The following MTREX variants were observed in gnomAD, a reference collection of about 807,000 sequenced individuals.
The protein encoded by MTREX is Mtr4 exosome RNA helicase, also known as exosome RNA helicase MTR4.
MTREX carries 76 observed loss-of-function variants against 135.4 expected under a neutral mutation model. That is an observed-to-expected ratio of 0.56 (90% CI 0.47 to 0.68). The LOEUF (loss-of-function observed/expected upper bound fraction) is 0.68. MTREX is among the 30% of genes least tolerant of loss of function. The pLI is 0.00. For missense variants in MTREX, 920 were observed against 1,262.1 expected, an observed-to-expected ratio of 0.73 and a Z score of 4.11; for synonymous variants, 404 against 401.6, an observed-to-expected ratio of 1.01 and a Z score of -0.07.
At chr5:55,359,381 T>C (rs1297267509) in intron 15 of MTREX, among the ~76,000 whole-genome samples, 1 of 152,230 alleles carries the variant, frequency 6.6e-6, no homozygotes, top group Non-Finnish European at 1.5e-5. Context: ...TATTAGCTAC[T>C]TAAAAGTAGC....
At chr5:55,327,812 T>G (rs758633601) in intron 4 of MTREX, 34 bp downstream of exon 4, 1 of 1,422,494 alleles carries the variant, frequency 7.0e-7, no homozygotes, top group Non-Finnish European at 9.8e-7. Context: ...TTATATAGTT[T>G]CGTGAGACTC....
At chr5:55,404,949 A>T (rs2111601147) in intron 21 of MTREX, among the ~76,000 whole-genome samples, 1 of 151,876 alleles carries the variant, frequency 6.6e-6, no homozygotes, top group South Asian at 2.1e-4. Flanking sequence ...GACTACAGGC[A>T]TGCGCCCGCC....
rs757915218 is a variant in MTREX, at chr5:55,405,582, T to G, written c.2639T>G (p.Ile880Arg). ...IEMKGRVACEISSADELLLTE... is the reference protein window; with the variant it reads ...IEMKGRVACERSSADELLLTE... ...ATGAAAGGACGAGTGGCTTGTGAGATAAGCAGGTAAAATCTGGTTATTGTT... is the reference window on the plus strand; with the variant it reads ...ATGAAAGGACGAGTGGCTTGTGAGAGAAGCAGGTAAAATCTGGTTATTGTT... The change falls in exon 22 of 27, where the codon ATA becomes AGA. Residue 880 changes from isoleucine to arginine, a missense_variant. Physicochemically the swap from Ile to Arg is moderately conservative, Grantham distance 97. Coordinates refer to ENST00000230640, the MANE Select transcript of MTREX (RefSeq NM_015360.5). 4 of 1,610,576 alleles carry G rather than the reference T, an allele frequency of 2.5e-6. No individual in the cohort carries two copies. Among genetic ancestry groups the G allele is most frequent in the Non-Finnish European group, 3.4e-6 (4 of 1,178,020 alleles).
chr5:55,309,939 T>A (rs1749082882), intron 1 of MTREX, among the ~76,000 whole-genome samples: 1 of 152,188 alleles, frequency 6.6e-6, no homozygotes, highest in Non-Finnish European at 1.5e-5. Context: ...TGGGAGAGTT[T>A]GGGGAAGCTT....
intron 3 of MTREX, among the ~76,000 whole-genome samples, chr5:55,326,610 G>A (rs1049085147): frequency 4.6e-5 from 7 of 151,972 alleles, no homozygotes; most frequent in Admixed American, 1.3e-4. Context: ...CTATTTGTAC[G>A]TGTCACATTC....
At chr5:55,377,691 G>A (rs939119738) in intron 16 of MTREX, among the ~76,000 whole-genome samples, 1 of 152,116 alleles carries the variant, frequency 6.6e-6, no homozygotes, top group African/African-American at 2.4e-5. Context: ...TGTGGCCTGT[G>A]ATTTATTGGT....
At chr5:55,329,076 TTTTA>T (rs1313906210) in intron 5 of MTREX, among the ~76,000 whole-genome samples, 2 of 152,192 alleles carry the variant, frequency 1.3e-5, no homozygotes, top group African/African-American at 4.8e-5. Context: ...CACAGATGCT[TTTTA>T]TTTATCAGTT....
intron 19 of MTREX, among the ~76,000 whole-genome samples, chr5:55,393,084 T>C (rs926417926): frequency 1.3e-5 from 2 of 152,218 alleles, no homozygotes; most frequent in Non-Finnish European, 2.9e-5. Context: ...GTGGCTGCCA[T>C]ACTGGTTTTC....
Position 55,366,340 on chromosome 5 carries a change from A to G in MTREX, c.1660-385A>G, listed in dbSNP as rs370590005. Among the ~76,000 whole-genome samples the G allele has an allele frequency of 3.9e-5, 6 of 152,186 alleles. No homozygotes were observed. In the East Asian group the frequency reaches 7.7e-4, roughly 20 times the overall value. On this transcript the variant is annotated intron_variant, in intron 15 of 26. Transcript: ENST00000230640. ...CTCTATCTCTACAAAATAATAAAAAATTAGCCGGGGATGGTGGCACATGCT... is the reference window on the plus strand; with the variant it reads ...CTCTATCTCTACAAAATAATAAAAAGTTAGCCGGGGATGGTGGCACATGCT...
chr5:55,310,481 G>A (rs912996333), intron 1 of MTREX, among the ~76,000 whole-genome samples: 1 of 152,086 alleles, frequency 6.6e-6, no homozygotes, highest in Admixed American at 6.5e-5. Context: ...GGTGGCAGGC[G>A]CCTGTAATCC....
In MTREX at chr5:55,345,179, G is replaced by A. The variant is rs770390480; in HGVS notation, c.1091G>A (p.Arg364Gln). The change falls in exon 10 of 27, where the codon CGG (arginine) becomes CAG (glutamine). Residue 364 changes from arginine (R) to glutamine (Q), a missense_variant. Around this residue, in one of 6 missense-constraint regions of MTREX, gnomAD observed 101 missense variants for 119.1 expected, o/e 0.85. Coordinates refer to ENST00000230640, the MANE Select transcript of MTREX (RefSeq NM_015360.5). ...GDLAKGDQKG[R>Q]KGGTKGPSNV... ...TTGGCCAAAGGAGACCAGAAAGGGC[G>A]GAAAGGAGGAACAAAAGGTAATTTG... The A allele has an allele frequency of 1.9e-5, 30 of 1,608,986 alleles. No homozygotes were observed. Among genetic ancestry groups the A allele is most frequent in the Middle Eastern group, 1.7e-4 (1 of 6,044 alleles).
intron 15 of MTREX, among the ~76,000 whole-genome samples, chr5:55,363,615 T>G (rs1211719113): frequency 6.6e-6 from 1 of 152,214 alleles, no homozygotes; most frequent in Non-Finnish European, 1.5e-5. Context: ...AAAAGAGTAC[T>G]TGATCAACAC....
At chr5:55,322,567 TA>T (rs759524608) in intron 2 of MTREX, 103 bp downstream of exon 2, 1 of 763,240 alleles carries the variant, frequency 1.3e-6, no homozygotes. Context: ...ATGCCCGTAT[TA>T]GAGAAATGAA....
intron 22 of MTREX, among the ~76,000 whole-genome samples, chr5:55,408,710 A>G (rs985433492): frequency 6.6e-6 from 1 of 152,130 alleles, no homozygotes; most frequent in Non-Finnish European, 1.5e-5. Context: ...CTTGAATTGA[A>G]CACAGTTGCA....
intron 12 of MTREX, among the ~76,000 whole-genome samples, chr5:55,350,620 C>G (rs986518065): frequency 1.3e-5 from 2 of 152,132 alleles, no homozygotes; most frequent in African/African-American, 4.8e-5. Context: ...CAGGCAAAAA[C>G]TCTGCCCCTA....
intron 15 of MTREX, among the ~76,000 whole-genome samples, chr5:55,360,078 A>G (rs188997034): frequency 1.3e-5 from 2 of 152,246 alleles, no homozygotes; most frequent in Admixed American, 6.5e-5. Context: ...GTACCTATTA[A>G]CAGTCACTCT....
chr5:55,319,265 G>T (rs560666351), intron 1 of MTREX, among the ~76,000 whole-genome samples: 36 of 152,258 alleles, frequency 2.4e-4, no homozygotes, highest in African/African-American at 8.7e-4. Context: ...GACTTATCCA[G>T]ATTTTGCCAA....
intron 14 of MTREX, among the ~76,000 whole-genome samples, chr5:55,357,714 T>C (rs1183170699): frequency 1.3e-5 from 2 of 152,220 alleles, no homozygotes; most frequent in Non-Finnish European, 2.9e-5. Flanking sequence ...TTAACTCTTT[T>C]TGAGTTACAG....
chr5:55,324,832 T>C (rs1160576871), intron 3 of MTREX: 1 of 152,182 alleles, frequency 6.6e-6, no homozygotes, highest in Non-Finnish European at 1.5e-5. Context: ...GGGATCTACC[T>C]TGTGGTGTGG....
Sources: gnomAD v4.1 joint callset for allele counts (sites outside exome capture counted in the v4.1 genomes callset) on GRCh38, gnomAD v4.1.1 for gene constraint, gnomAD v4.1.1 regional missense constraint, MANE v1.5 for transcripts, NCBI Gene and HGNC (gene_info 2026-07-23, HGNC 2026-07-21) for gene names.